NEK10: variants seen among roughly 807,000 people sequenced by gnomAD.
NEK10 encodes serine/threonine-protein kinase Nek10.
Under a neutral mutation model 159.8 loss-of-function variants are expected in NEK10, and 122 were observed. That is an observed-to-expected ratio of 0.76 (90% CI 0.66 to 0.89). The LOEUF is 0.89. Among genes scored for constraint, NEK10 ranks in the 40% least tolerant of loss-of-function variants. The probability of loss-of-function intolerance (pLI) is 0.00; values close to 1 mark genes in which losing one functional copy is unlikely to be tolerated. For synonymous variants in NEK10, 466 were observed against 457.1 expected (o/e 1.02, Z -0.25); for missense variants, 1,342 against 1,323.1 (o/e 1.01, Z -0.22).
intron 6 of NEK10, among the ~76,000 whole-genome samples, chr3:27,315,353 T>C (rs1420275292): frequency 2.6e-5 from 4 of 152,170 alleles, no homozygotes; most frequent in Non-Finnish European, 5.9e-5. Flanking sequence ...CAAGGCCTCC[T>C]GGGTCAAGGT....
chr3:27,235,402 C>T (rs1953797692), intron 23 of NEK10, among the ~76,000 whole-genome samples: 1 of 152,066 alleles, frequency 6.6e-6, no homozygotes, highest in African/African-American at 2.4e-5. Context: ...CTATAAGGAG[C>T]TTAAACAAAT....
intron 23 of NEK10, among the ~76,000 whole-genome samples, chr3:27,212,613 T>G (rs1306332960): frequency 6.6e-6 from 1 of 152,252 alleles, no homozygotes; most frequent in Non-Finnish European, 1.5e-5. Context: ...ACCCAAAATA[T>G]CTTCTCTGAG....
chr3:27,244,073 T>C (rs547834870), intron 23 of NEK10, among the ~76,000 whole-genome samples: 22 of 152,304 alleles, frequency 1.4e-4, no homozygotes, highest in African/African-American at 4.8e-4. Flanking sequence ...GGCTGAGAGA[T>C]ACCCTGTGGC....
At chr3:27,364,416 C>T (rs377496468) in intron 1 of NEK10, among the ~76,000 whole-genome samples, 375 of 144,430 alleles carry the variant, frequency 2.6e-3, no homozygotes, top group Non-Finnish European at 4.1e-3. Context: ...ATAGTAGAGA[C>T]GGGGTTTCAC....
intron 28 of NEK10, among the ~76,000 whole-genome samples, chr3:27,173,603 C>CT (rs1033931782): frequency 6.6e-6 from 1 of 152,078 alleles, no homozygotes; most frequent in African/African-American, 2.4e-5. Context: ...TAGCTAAATC[C>CT]TTAGGGTTCT....
At chr3:27,209,807 C>T (rs1378014734) in intron 23 of NEK10, among the ~76,000 whole-genome samples, 1 of 152,204 alleles carries the variant, frequency 6.6e-6, no homozygotes, top group Admixed American at 6.5e-5. Flanking sequence ...CCAAAAAACA[C>T]TTCTTTGGCA....
intron 22 of NEK10, among the ~76,000 whole-genome samples, chr3:27,271,571 T>C (rs1433944851): frequency 6.6e-6 from 1 of 152,190 alleles, no homozygotes; most frequent in Admixed American, 6.5e-5. Flanking sequence ...AATGATTTTA[T>C]TCACTCCAGT....
intron 23 of NEK10, among the ~76,000 whole-genome samples, chr3:27,207,159 T>A (rs2149075072): frequency 6.6e-6 from 1 of 152,332 alleles, no homozygotes; most frequent in South Asian, 2.1e-4. Flanking sequence ...TTGCCCCTAA[T>A]TCCTGGTGTG....
chr3:27,139,076 T>C (rs749628794), intron 31 of NEK10, among the ~76,000 whole-genome samples: 1 of 152,190 alleles, frequency 6.6e-6, no homozygotes, highest in Non-Finnish European at 1.5e-5. Context: ...AGTGCTGATA[T>C]GGCTGATAAT....
At chr3:27,331,248 A>AC (rs2046381094) in intron 5 of NEK10, among the ~76,000 whole-genome samples, 2 of 104,444 alleles carry the variant, frequency 1.9e-5, no homozygotes, top group African/African-American at 5.5e-5. Context: ...AAAAAAAAAA[A>AC]AACAAAAAAA....
chr3:27,329,428 G>C (rs1263971625), intron 5 of NEK10, among the ~76,000 whole-genome samples: 2 of 152,176 alleles, frequency 1.3e-5, no homozygotes, highest in African/African-American at 4.8e-5. Context: ...TTTGGGGATT[G>C]GTTGATTTTT....
Position 27,107,603 on chromosome 3 carries a change from A to G in NEK10, c.*3669T>C, listed in dbSNP as rs907257933. 6.6e-6 allele frequency among the ~76,000 whole-genome samples: 1 copy of G among 152,212 alleles called. No homozygotes were observed. Among genetic ancestry groups the G allele is most frequent in the African/African-American group, 2.4e-5 (1 of 41,456 alleles). On this transcript the variant is annotated 3_prime_UTR_variant, in exon 36 of 36. Coordinates refer to ENST00000691995, the MANE Select transcript of NEK10 (RefSeq NM_001394966.1). ...TTAGTTGTTGAACATGAAGAATTTT[A>G]TATTTGGACAAAATTTCACCCAAGG... is the stretch of plus-strand genomic sequence containing the variant.
chr3:27,260,665 A>G (rs1457911179), intron 22 of NEK10, among the ~76,000 whole-genome samples: 1 of 152,122 alleles, frequency 6.6e-6, no homozygotes, highest in Non-Finnish European at 1.5e-5. Flanking sequence ...CATCAGGGAT[A>G]TTGGTCTAAA....
chr3:27,307,717 T>C (rs1478049925), intron 11 of NEK10, 142 bp downstream of exon 11: 3 of 624,998 alleles, frequency 4.8e-6, no homozygotes, highest in Non-Finnish European at 8.5e-6. Flanking sequence ...TTTCTTTATA[T>C]AAACTTAAAC....
chr3:27,174,480 G>C lies in NEK10; in HGVS notation c.2735C>G (p.Ser912Cys). ...CAGAGGGCTTGAACTGGAGCTGCTG[G>C]AGTTATCCGAAATGTCCAATTCATC... ...VDDELDISDNSSSSSSSPLKE... is the reference protein window; with the variant it reads ...VDDELDISDNCSSSSSSPLKE... Residue 912 changes from serine (S) to cysteine (C), a missense_variant, in exon 28 of 36, where the codon TCC becomes TGC. Transcript: ENST00000691995. The C allele has an allele frequency of 6.2e-7, 1 of 1,612,482 alleles. No homozygotes were observed. Among genetic ancestry groups the C allele is most frequent in the Admixed American group, 1.7e-5 (1 of 59,352 alleles).
chr3:27,128,493 AC>A (rs1942229990), intron 32 of NEK10, among the ~76,000 whole-genome samples: 1 of 152,142 alleles, frequency 6.6e-6, no homozygotes, highest in Non-Finnish European at 1.5e-5. Context: ...ACAATAAGAA[AC>A]TTTTCCTCTC....
intron 23 of NEK10, among the ~76,000 whole-genome samples, chr3:27,205,683 C>T (rs1389813730): frequency 2.9e-5 from 4 of 136,914 alleles, no homozygotes; most frequent in Non-Finnish European, 6.2e-5. Context: ...GGATCCCTTC[C>T]TTACACCTTA....
intron 23 of NEK10, among the ~76,000 whole-genome samples, chr3:27,243,481 A>G (rs1203855871): frequency 1.3e-5 from 2 of 152,070 alleles, no homozygotes; most frequent in Non-Finnish European, 2.9e-5. Context: ...TCTTTCCATT[A>G]TATGTTTACC....
rs779304940 is a variant in NEK10, at chr3:27,304,777, C to T, written c.998G>A (p.Gly333Asp). Residue 333 changes from glycine (G) to aspartate (D), a missense_variant, in exon 12 of 36, where the codon GGC becomes GAC. Gly to Asp is a moderately conservative substitution (Grantham distance 94). Coordinates refer to ENST00000691995, the MANE Select transcript of NEK10 (RefSeq NM_001394966.1). Reference protein sequence around the residue: ...ETSVEIRIWGGIKQLLHILQG... With the variant: ...ETSVEIRIWGDIKQLLHILQG... ...TAAAATATGAAGAAGCTGTTTGATG[C>T]CTCCCCAAATGCGAATTTCCACGCT... is the stretch of plus-strand genomic sequence containing the variant. 6.2e-7 allele frequency: 1 copy of T among 1,613,468 alleles called. No individual in the cohort carries two copies. Among genetic ancestry groups the T allele is most frequent in the South Asian group, 1.1e-5 (1 of 91,068 alleles).
Sources: gnomAD v4.1 joint callset for allele counts (sites outside exome capture counted in the v4.1 genomes callset) on GRCh38, gnomAD v4.1.1 for gene constraint, MANE v1.5 for transcripts, NCBI Gene and HGNC (gene_info 2026-07-23, HGNC 2026-07-21) for gene names.